The following DHRSX variants were observed in gnomAD, a reference collection of about 807,000 sequenced individuals.
DHRSX encodes polyprenol dehydrogenase.
DHRSX carries 31 observed loss-of-function variants against 34.0 expected under a neutral mutation model. That is an observed-to-expected ratio of 0.91 (90% CI 0.69 to 1.23). DHRSX has a LOEUF of 1.23. Among genes scored for constraint, DHRSX ranks in the 50% most tolerant of loss-of-function variants. The pLI, the probability that DHRSX is intolerant of heterozygous loss-of-function variation, is 0.00. For missense variants in DHRSX, 414 were observed against 428.1 expected, an observed-to-expected ratio of 0.97 and a Z score of 0.29; for synonymous variants, 201 against 183.8, an observed-to-expected ratio of 1.09 and a Z score of -0.76.
At chrX:2,492,541 T>C (rs1416934017) in intron 1 of DHRSX, among the ~76,000 whole-genome samples, 1 of 151,158 alleles carries the variant, frequency 6.6e-6, no homozygotes, top group Non-Finnish European at 1.5e-5. Context: ...ATTAGAAATT[T>C]TGTAGATCTC....
At chrX:2,296,343 A>C (rs2041931208) in intron 3 of DHRSX, among the ~76,000 whole-genome samples, 1 of 152,110 alleles carries the variant, frequency 6.6e-6, no homozygotes. Context: ...CCCCAGAGGG[A>C]GGGGAGGGAA....
chrX:2,436,540 C>T (rs1405566373), intron 1 of DHRSX, among the ~76,000 whole-genome samples: 2 of 151,250 alleles, frequency 1.3e-5, no homozygotes, highest in African/African-American at 4.8e-5. Context: ...GTCACCCCGG[C>T]TGGAGTGCAG....
chrX:2,432,139 A>G (rs2043933893), intron 1 of DHRSX, among the ~76,000 whole-genome samples: 1 of 152,074 alleles, frequency 6.6e-6, no homozygotes, highest in African/African-American at 2.4e-5. Context: ...GCTTGCAGTG[A>G]GCTGAGATCA....
Position 2,221,107 on chromosome X carries a change from C to A in DHRSX, c.927G>T (p.Gln309His), listed in dbSNP as rs1248736933. 4 of 1,613,962 alleles carry A rather than the reference C, an allele frequency of 2.5e-6. No individual in the cohort carries two copies. In the South Asian group the frequency reaches 4.4e-5, roughly 18 times the overall value. ...TAGACCACAGCTGCTGCTGCAGTTT[C>A]TGGTTGTAGGTGACGTGGAGGGACT... ...ETKSLHVTYN[Q>H]KLQQQLWSKS... The change falls in exon 7 of 7, where the codon CAG becomes CAT. Residue 309 changes from glutamine to histidine, a missense_variant. Transcript: ENST00000334651.
chrX:2,348,926 T>C (rs1216603732), intron 3 of DHRSX, among the ~76,000 whole-genome samples: 1 of 151,978 alleles, frequency 6.6e-6, no homozygotes, highest in Non-Finnish European at 1.5e-5. Flanking sequence ...ACTCCTGACC[T>C]CAGGTGCTCC....
chrX:2,262,239 G>A (rs748096837), intron 5 of DHRSX, among the ~76,000 whole-genome samples: 1 of 152,328 alleles, frequency 6.6e-6, no homozygotes, highest in South Asian at 2.1e-4. Context: ...AGTGAGCCCT[G>A]AGCTGAGAAG....
At chrX:2,270,485 C>CT (rs1212237548) in intron 4 of DHRSX, among the ~76,000 whole-genome samples, 3 of 152,178 alleles carry the variant, frequency 2.0e-5, no homozygotes, top group African/African-American at 7.2e-5. Context: ...TCCAACCCGC[C>CT]TTTCAAAACT....
chrX:2,497,388 G>A (rs1454072171), intron 1 of DHRSX, among the ~76,000 whole-genome samples: 1 of 151,932 alleles, frequency 6.6e-6, no homozygotes, highest in Non-Finnish European at 1.5e-5. Context: ...AGCGAAACTT[G>A]GTCTCAAGAA....
intron 3 of DHRSX, among the ~76,000 whole-genome samples, chrX:2,342,093 AC>A: frequency 6.6e-6 from 1 of 152,198 alleles, no homozygotes; most frequent in African/African-American, 2.4e-5. Flanking sequence ...GGCGTGAGCC[AC>A]CTCGCCCGGC....
intron 3 of DHRSX, among the ~76,000 whole-genome samples, chrX:2,360,360 G>A (rs1355237888): frequency 9.9e-5 from 15 of 152,148 alleles, no homozygotes; most frequent in African/African-American, 1.9e-4. Flanking sequence ...CAAGGTGGGC[G>A]GATCACGAGG....
chrX:2,222,073 G>A (rs777075709), intron 6 of DHRSX, among the ~76,000 whole-genome samples: 17 of 152,306 alleles, frequency 1.1e-4, no homozygotes, highest in East Asian at 1.9e-4. Flanking sequence ...ATGAGGCACC[G>A]TCTGTGAACC....
chrX:2,221,272 G>C, intron 6 of DHRSX, 43 bp from the exon 7 acceptor site: 1 of 1,591,664 alleles, frequency 6.3e-7, no homozygotes, highest in South Asian at 1.1e-5. Context: ...TCAAATTTCT[G>C]AGCAGGAAAC....
intron 6 of DHRSX, among the ~76,000 whole-genome samples, chrX:2,239,613 A>G (rs774151055): frequency 6.6e-6 from 1 of 151,768 alleles, no homozygotes; most frequent in Non-Finnish European, 1.5e-5. Context: ...AAAAAATAAA[A>G]AAAAAATTAG....
At chrX:2,359,597 CA>C (rs763694240) in intron 3 of DHRSX, among the ~76,000 whole-genome samples, 1 of 151,798 alleles carries the variant, frequency 6.6e-6, no homozygotes, top group East Asian at 1.9e-4. Context: ...GAGGAATTTT[CA>C]AGGGTGCAGT....
chrX:2,295,555 C>G (rs2041922269), intron 3 of DHRSX, among the ~76,000 whole-genome samples: 1 of 151,936 alleles, frequency 6.6e-6, no homozygotes, highest in African/African-American at 2.4e-5. Flanking sequence ...GTACATGTAT[C>G]CAGAACTTAA....
chrX:2,496,320 T>A (rs2045284602), intron 1 of DHRSX, among the ~76,000 whole-genome samples: 1 of 152,130 alleles, frequency 6.6e-6, no homozygotes, highest in Admixed American at 6.6e-5. Flanking sequence ...TGCCTCAGCC[T>A]CCCAAGTAGC....
At chrX:2,456,133 AC>A (rs2044293031) in intron 1 of DHRSX, among the ~76,000 whole-genome samples, 1 of 152,152 alleles carries the variant, frequency 6.6e-6, no homozygotes, top group Non-Finnish European at 1.5e-5. Context: ...CAGTCAACTC[AC>A]CACAGGGGTG....
intron 3 of DHRSX, among the ~76,000 whole-genome samples, chrX:2,318,476 G>T (rs1004995059): frequency 4.0e-5 from 6 of 151,400 alleles, no homozygotes; most frequent in African/African-American, 1.5e-4. Flanking sequence ...AAAGAAGCTG[G>T]CCAAACCCCA....
chrX:2,463,479 G>T (rs914768020), intron 1 of DHRSX, among the ~76,000 whole-genome samples: 1 of 151,778 alleles, frequency 6.6e-6, no homozygotes, highest in African/African-American at 2.4e-5. Flanking sequence ...ACACACTAGA[G>T]GTCTCTGATG....
Sources: allele counts gnomAD v4.1 joint callset (sites outside exome capture counted in the v4.1 genomes callset), GRCh38; gene constraint gnomAD v4.1.1; transcripts MANE v1.5; gene names NCBI Gene and HGNC (gene_info 2026-07-23, HGNC 2026-07-21).